The following RPS6KC1 variants were observed in gnomAD, a reference collection of about 807,000 sequenced individuals.
RPS6KC1 encodes the protein inactive ribosomal protein S6 kinase delta-1.
A neutral mutation model predicts 103.8 loss-of-function variants in RPS6KC1; 54 were observed. That is an observed-to-expected ratio of 0.52 (90% CI 0.42 to 0.65). The LOEUF (loss-of-function observed/expected upper bound fraction) is 0.65. Among genes scored for constraint, RPS6KC1 ranks in the 30% least tolerant of loss-of-function variants. The pLI is 0.00. For synonymous variants in RPS6KC1, 439 were observed against 438.7 expected (o/e 1.00, Z -0.01); for missense variants, 1,151 against 1,253.8 (o/e 0.92, Z 1.24).
chr1:213,355,083 T>C, the RPS6KC1 span, among the ~76,000 whole-genome samples: 1 of 152,140 alleles, frequency 6.6e-6, no homozygotes. Flanking sequence ...TCAGGTGTGG[T>C]GGCGTATGCC....
chr1:213,366,420 A>T, the RPS6KC1 span, among the ~76,000 whole-genome samples: 1 of 152,234 alleles, frequency 6.6e-6, no homozygotes, highest in African/African-American at 2.4e-5. Flanking sequence ...TAGCAGAGGA[A>T]ATCAAAGCAA....
At chr1:213,680,999 G>A in the RPS6KC1 span, among the ~76,000 whole-genome samples, 16 of 152,214 alleles carry the variant, frequency 1.1e-4, no homozygotes, top group African/African-American at 3.9e-4. Context: ...CTTTTTGTCA[G>A]TTTTTATAGT....
intron 8 of RPS6KC1, among the ~76,000 whole-genome samples, chr1:213,206,838 T>C (rs2148634307): frequency 6.6e-6 from 1 of 152,202 alleles, no homozygotes; most frequent in African/African-American, 2.4e-5. Flanking sequence ...TAGGGCCAGG[T>C]GTGGTGGCTC....
the RPS6KC1 span, among the ~76,000 whole-genome samples, chr1:213,440,820 C>T: frequency 6.6e-6 from 1 of 152,140 alleles, no homozygotes; most frequent in Non-Finnish European, 1.5e-5. Context: ...AGGTCTGCCC[C>T]TGTGCTGAGG....
chr1:213,741,245 C>T, the RPS6KC1 span, among the ~76,000 whole-genome samples: 1 of 151,602 alleles, frequency 6.6e-6, no homozygotes, highest in African/African-American at 2.4e-5. Flanking sequence ...TTATTTTTTG[C>T]ATGTGGTGAG....
chr1:213,242,109 G>A lies in RPS6KC1; in HGVS notation c.2633G>A (p.Gly878Glu), dbSNP rs566966061. ...TKGESGLVLEGDKEIHQIFED... is the reference protein window; with the variant it reads ...TKGESGLVLEEDKEIHQIFED... ...GGTGAAAGTGGTTTAGTGCTAGAAG[G>A]AGACAAGGAAATACATCAGATTTTT... Residue 878 changes from glycine (G) to glutamate (E), a missense_variant, in exon 11 of 15, where the codon GGA (glycine) becomes GAA (glutamate). Transcript: ENST00000366960. 5.5e-5 allele frequency: 89 copies of A among 1,613,670 alleles called. 1 individual carries two copies. The South Asian group carries it at 9.1e-4, about 17-fold the overall frequency.
At chr1:213,410,289 G>A in the RPS6KC1 span, among the ~76,000 whole-genome samples, 1 of 152,116 alleles carries the variant, frequency 6.6e-6, no homozygotes, top group Non-Finnish European at 1.5e-5. Context: ...GAAATGAGAG[G>A]GGGTGAGATC....
chr1:213,250,731 G>A (rs939217219), intron 12 of RPS6KC1, among the ~76,000 whole-genome samples: 3 of 152,080 alleles, frequency 2.0e-5, no homozygotes, highest in Non-Finnish European at 4.4e-5. Flanking sequence ...GGAGCATTCC[G>A]AACCTGGAAT....
At chr1:213,502,053 G>T in the RPS6KC1 span, among the ~76,000 whole-genome samples, 232 of 152,190 alleles carry the variant, frequency 1.5e-3, 2 homozygotes, top group African/African-American at 5.4e-3. Context: ...CATTTTCCAG[G>T]CAGAAAGAAG....
chr1:213,424,396 A>G, the RPS6KC1 span, among the ~76,000 whole-genome samples: 11 of 152,196 alleles, frequency 7.2e-5, no homozygotes, highest in African/African-American at 2.7e-4. Context: ...GATGGCAGGG[A>G]GGGAGAGGGG....
the RPS6KC1 span, among the ~76,000 whole-genome samples, chr1:213,319,544 T>C: frequency 3.3e-5 from 5 of 152,212 alleles, no homozygotes; most frequent in Non-Finnish European, 5.9e-5. Flanking sequence ...TCCCTTATTA[T>C]ATGCTGCACA....
At chr1:213,188,676 A>G (rs2092633674) in intron 8 of RPS6KC1, among the ~76,000 whole-genome samples, 1 of 152,202 alleles carries the variant, frequency 6.6e-6, no homozygotes, top group African/African-American at 2.4e-5. Flanking sequence ...AACAAGACAT[A>G]GGAGCTTTTA....
At chr1:213,173,080 TA>T (rs921673780) in intron 7 of RPS6KC1, among the ~76,000 whole-genome samples, 7 of 149,352 alleles carry the variant, frequency 4.7e-5, no homozygotes, top group Middle Eastern at 3.4e-3. Context: ...TTTTCTCATC[TA>T]AAAAAAAAAG....
the RPS6KC1 span, among the ~76,000 whole-genome samples, chr1:213,432,723 G>T: frequency 3.2e-4 from 48 of 149,202 alleles, no homozygotes; most frequent in African/African-American, 1.1e-3. Context: ...TTACATAAAA[G>T]AATCATACAG....
the RPS6KC1 span, among the ~76,000 whole-genome samples, chr1:213,308,462 C>G: frequency 6.6e-6 from 1 of 152,064 alleles, no homozygotes; most frequent in South Asian, 2.1e-4. Flanking sequence ...ACAGGTTATA[C>G]AAAACATTTT....
chr1:213,792,964 A>G, the RPS6KC1 span, among the ~76,000 whole-genome samples: 1 of 152,080 alleles, frequency 6.6e-6, no homozygotes, highest in Non-Finnish European at 1.5e-5. Context: ...CCCTTAATGG[A>G]CTTGGTTGTC....
the RPS6KC1 span, among the ~76,000 whole-genome samples, chr1:213,576,912 T>C: frequency 2.0e-5 from 3 of 152,234 alleles, no homozygotes; most frequent in African/African-American, 7.2e-5. Flanking sequence ...CCAGTGAACA[T>C]GTCAATGATA....
chr1:213,129,488 CAATTT>C (rs778400175), intron 5 of RPS6KC1, 34 bp from the exon 6 acceptor site: 1 of 1,525,856 alleles, frequency 6.6e-7, no homozygotes, highest in South Asian at 1.3e-5. Context: ...GGCTGATTCT[CAATTT>C]AATATCTGTT....
At chr1:213,604,561 G>T in the RPS6KC1 span, among the ~76,000 whole-genome samples, 52 of 152,294 alleles carry the variant, frequency 3.4e-4, no homozygotes, top group African/African-American at 1.1e-3. Flanking sequence ...GTCCCTGCTT[G>T]GTTTCCTGCT....
Sources: gnomAD v4.1 joint callset for allele counts (sites outside exome capture counted in the v4.1 genomes callset) on GRCh38, gnomAD v4.1.1 for gene constraint, MANE v1.5 for transcripts, NCBI Gene and HGNC (gene_info 2026-07-23, HGNC 2026-07-21) for gene names.